Variants in TMEM161B observed in about 807,000 individuals in gnomAD.
TMEM161B encodes transmembrane protein 161B.
A neutral mutation model predicts 61.8 loss-of-function variants in TMEM161B; 34 were observed. The observed-to-expected ratio is 0.55, with a 90% confidence interval of 0.42 to 0.73. The LOEUF (loss-of-function observed/expected upper bound fraction) is 0.73. Ranked by LOEUF, TMEM161B falls within the 30% of genes least tolerant of loss-of-function variation. The pLI is 0.00. For synonymous variants in TMEM161B, 167 were observed against 192.8 expected, an observed-to-expected ratio of 0.87 and a Z score of 1.11; for missense variants, 456 against 558.5, an observed-to-expected ratio of 0.82 and a Z score of 1.85.
chr5:88,234,582 T>C (rs1207388202), intron 2 of TMEM161B, among the ~76,000 whole-genome samples: 1 of 152,188 alleles, frequency 6.6e-6, no homozygotes, highest in Admixed American at 6.5e-5. Context: ...TGGTATTAAG[T>C]GGTATGTCTA....
intron 4 of TMEM161B, among the ~76,000 whole-genome samples, chr5:88,224,965 G>C (rs242879): frequency 7.6e-6 from 1 of 131,108 alleles, no homozygotes; most frequent in African/African-American, 2.9e-5. Flanking sequence ...ATATGTTTTT[G>C]TTTTTTTTTT....
chr5:88,247,592 G>A (rs1164990397), intron 1 of TMEM161B, among the ~76,000 whole-genome samples: 2 of 152,088 alleles, frequency 1.3e-5, no homozygotes, highest in Non-Finnish European at 2.9e-5. Context: ...AGCAAGATAT[G>A]TTGAGACAGA....
intron 2 of TMEM161B, 99 bp from the exon 3 acceptor site, chr5:88,228,627 C>T (rs1750461071): frequency 2.3e-6 from 2 of 870,384 alleles, no homozygotes; most frequent in South Asian, 1.8e-5. Context: ...TGTGAAGACA[C>T]TGTCGAGAAA....
chr5:88,227,139 A>G (rs1464823490), intron 3 of TMEM161B, among the ~76,000 whole-genome samples: 2 of 152,188 alleles, frequency 1.3e-5, no homozygotes, highest in Non-Finnish European at 1.5e-5. Context: ...ACAGTGAGCC[A>G]GAATTGTGCC....
intron 6 of TMEM161B, 51 bp downstream of exon 6, chr5:88,206,978 T>C (rs1745624589): frequency 6.5e-7 from 1 of 1,544,162 alleles, no homozygotes; most frequent in Non-Finnish European, 8.8e-7. Context: ...GTCAAAAATA[T>C]TAACACTAGA....
At chr5:88,206,882 T>C in intron 6 of TMEM161B, 147 bp downstream of exon 6, 1 of 652,430 alleles carries the variant, frequency 1.5e-6, no homozygotes, top group South Asian at 2.9e-5. Context: ...ATCTTAATAA[T>C]AAAGGTTAAT....
chr5:88,197,041 T>A (rs907084022), intron 11 of TMEM161B, among the ~76,000 whole-genome samples: 6 of 152,128 alleles, frequency 3.9e-5, no homozygotes, highest in African/African-American at 1.4e-4. Context: ...ATACCTATCA[T>A]CAAGTCTATG....
chr5:88,251,022 T>C (rs1217936741), intron 1 of TMEM161B: 1 of 151,766 alleles, frequency 6.6e-6, no homozygotes, highest in Non-Finnish European at 1.5e-5. Flanking sequence ...CTGATTTGAG[T>C]GAGAAGCGAC....
chr5:88,192,738 T>C (rs1749081285), downstream of TMEM161B, among the ~76,000 whole-genome samples: 1 of 152,214 alleles, frequency 6.6e-6, no homozygotes, highest in African/African-American at 2.4e-5. Context: ...CACTTAGTTT[T>C]ATTTTGTTGA....
chr5:88,230,083 G>A (rs1750735854), intron 2 of TMEM161B, among the ~76,000 whole-genome samples: 1 of 152,016 alleles, frequency 6.6e-6, no homozygotes, highest in Non-Finnish European at 1.5e-5. Flanking sequence ...TCGGGGGAGA[G>A]GGTGAGGTGG....
At chr5:88,192,094 A>AAATGGGAT (rs1749013469), downstream of TMEM161B, among the ~76,000 whole-genome samples, 1 of 140,686 alleles carries the variant, frequency 7.1e-6, no homozygotes, top group African/African-American at 2.6e-5. Flanking sequence ...CTATAGACAG[A>AAATGGGAT]AATGGGATGA....
At chr5:88,220,956 T>C (rs754480564) in intron 4 of TMEM161B, among the ~76,000 whole-genome samples, 1 of 152,178 alleles carries the variant, frequency 6.6e-6, no homozygotes, top group Non-Finnish European at 1.5e-5. Flanking sequence ...GTTAAAAGAT[T>C]ACCAAAAGTT....
At chr5:88,231,605 T>A (rs1751000085) in intron 2 of TMEM161B, among the ~76,000 whole-genome samples, 1 of 152,242 alleles carries the variant, frequency 6.6e-6, no homozygotes, top group Non-Finnish European at 1.5e-5. Context: ...GTTCTTTGCC[T>A]AATGAATTTA....
chr5:88,198,848 A>T (rs1750156974), intron 10 of TMEM161B, 128 bp downstream of exon 10: 3 of 853,842 alleles, frequency 3.5e-6, no homozygotes, highest in Non-Finnish European at 5.3e-6. Flanking sequence ...TCAACTTAAG[A>T]TTGTTCTGTT....
chr5:88,215,730 C>T (rs1232235855), intron 5 of TMEM161B, among the ~76,000 whole-genome samples: 3 of 152,112 alleles, frequency 2.0e-5, no homozygotes, highest in Non-Finnish European at 4.4e-5. Flanking sequence ...CAGTTCAGTG[C>T]TAAAGGCTGT....
chr5:88,232,884 T>C (rs1465105102), intron 2 of TMEM161B, among the ~76,000 whole-genome samples: 1 of 152,210 alleles, frequency 6.6e-6, no homozygotes, highest in Non-Finnish European at 1.5e-5. Flanking sequence ...TTAAGACACA[T>C]TTTCTTTTTA....
downstream of TMEM161B, among the ~76,000 whole-genome samples, chr5:88,192,421 A>G (rs925062721): frequency 6.6e-6 from 1 of 152,160 alleles, no homozygotes; most frequent in African/African-American, 2.4e-5. Context: ...AAATATGTGA[A>G]AATGTTTACC....
At position 88,189,969 on chromosome 5, in the gene TMEM161B, G is replaced by A. The variant is rs150620994; in HGVS notation, c.*83C>T. On this transcript the variant is annotated 3_prime_UTR_variant, in exon 13 of 13. Transcript: ENST00000514135. ...CCATGTGATCCCCAGTACCTTTGCC[G>A]TCTTCTGTACCAAGTCAGCCACAAA... 4.3e-3 allele frequency: 2,888 copies of A among 666,808 alleles called. 89 individuals carry two copies. In the East Asian group the frequency reaches 0.068, roughly 16 times the overall value. The allele number at this position is 666,808 out of a possible 1,614,324, so 41.3% of individuals were successfully genotyped here.
Position 88,198,960 on chromosome 5 carries a change from A to C in TMEM161B, c.1089+16T>G. On this transcript the variant is annotated intron_variant, in intron 10 of 11. Transcript: ENST00000296595. Reference sequence around the variant, plus strand: ...GTTTTTGCTATTTTTCATTTTGACTAGGGTATAAAACTTACCATTTTCTGT... The same window carrying C: ...GTTTTTGCTATTTTTCATTTTGACTCGGGTATAAAACTTACCATTTTCTGT... 1 of 1,577,896 alleles carries C rather than the reference A, an allele frequency of 6.3e-7. No homozygotes were observed. The highest frequency in any genetic ancestry group is 8.6e-7 in the Non-Finnish European group (1 of 1,165,158).
Sources: gnomAD v4.1 joint callset for allele counts (sites outside exome capture counted in the v4.1 genomes callset) on GRCh38, gnomAD v4.1.1 for gene constraint, MANE v1.5 for transcripts, NCBI Gene and HGNC (gene_info 2026-07-23, HGNC 2026-07-21) for gene names.